ROCK2: variants seen among roughly 807,000 people sequenced by gnomAD.
ROCK2 encodes rho-associated protein kinase 2.
Under a neutral mutation model 195.1 loss-of-function variants are expected in ROCK2, and 61 were observed. That is an observed-to-expected ratio of 0.31 (90% CI 0.25 to 0.39). The LOEUF (loss-of-function observed/expected upper bound fraction) is 0.39. ROCK2 is among the 10% of genes least tolerant of loss of function. The pLI, the probability that ROCK2 is intolerant of heterozygous loss-of-function variation, is 1.00. For missense variants in ROCK2, 1,109 were observed against 1,637.4 expected, an observed-to-expected ratio of 0.68 and a Z score of 5.57; for synonymous variants, 504 against 545.5, an observed-to-expected ratio of 0.92 and a Z score of 1.06.
chr2:11,265,886 G>C (rs916123744), intron 3 of ROCK2, among the ~76,000 whole-genome samples: 1 of 151,486 alleles, frequency 6.6e-6, no homozygotes, highest in African/African-American at 2.4e-5. Flanking sequence ...CTTGAGGCCA[G>C]GAGTTAGAGA....
At chr2:11,255,143 G>T (rs1050421181) in intron 3 of ROCK2, among the ~76,000 whole-genome samples, 2 of 148,962 alleles carry the variant, frequency 1.3e-5, no homozygotes, top group Admixed American at 1.3e-4. Context: ...CATGAACCCA[G>T]GAGGCGGAGC....
intron 1 of ROCK2, among the ~76,000 whole-genome samples, chr2:11,315,212 C>G (rs1422798719): frequency 6.6e-6 from 1 of 151,932 alleles, no homozygotes; most frequent in Non-Finnish European, 1.5e-5. Flanking sequence ...AGAGATGTAC[C>G]CTTGTAATCT....
At chr2:11,212,023 T>C (rs4595944) in intron 17 of ROCK2, among the ~76,000 whole-genome samples, 183 bp from the exon 18 acceptor site, 68,407 of 151,522 alleles carry the variant, frequency 0.45, 17,028 homozygotes, top group Non-Finnish European at 0.55. Context: ...CCTCCCACCT[T>C]GGCCTCCAAA....
intron 3 of ROCK2, among the ~76,000 whole-genome samples, chr2:11,261,892 G>C (rs549097372): frequency 1.4e-4 from 22 of 152,190 alleles, no homozygotes; most frequent in Non-Finnish European, 2.8e-4. Context: ...ACTCCTAGCT[G>C]TTTATGAACT....
At chr2:11,196,431 C>G (rs565761525) in intron 27 of ROCK2, among the ~76,000 whole-genome samples, 1 of 152,290 alleles carries the variant, frequency 6.6e-6, no homozygotes, top group Admixed American at 6.5e-5. Flanking sequence ...AGCAGTGAAA[C>G]CATGCGCTCT....
intron 6 of ROCK2, among the ~76,000 whole-genome samples, chr2:11,226,783 G>A (rs1355648538): frequency 1.3e-5 from 2 of 151,600 alleles, no homozygotes; most frequent in Non-Finnish European, 2.9e-5. Context: ...TTAGTGGCAT[G>A]TGCCTGTAAT....
chr2:11,208,190 G>T, intron 19 of ROCK2, 97 bp downstream of exon 19: 1 of 801,814 alleles, frequency 1.2e-6, no homozygotes, highest in Non-Finnish European at 1.7e-6. Context: ...ACTATTATAA[G>T]AAAAACTTTA....
upstream of ROCK2, among the ~76,000 whole-genome samples, chr2:11,345,290 G>T (rs1669270479): frequency 6.6e-6 from 1 of 152,194 alleles, no homozygotes; most frequent in South Asian, 2.1e-4. Flanking sequence ...AAGAGAACGG[G>T]AGAGCACCGG....
At chr2:11,280,160 G>A (rs1666950146) in intron 3 of ROCK2, among the ~76,000 whole-genome samples, 2 of 151,816 alleles carry the variant, frequency 1.3e-5, no homozygotes, top group African/African-American at 4.8e-5. Flanking sequence ...AGAAACCAAG[G>A]AATAGAAAAC....
chr2:11,286,736 GT>G (rs2148193654), intron 2 of ROCK2, 97 bp from the exon 3 acceptor site: 1 of 730,482 alleles, frequency 1.4e-6, no homozygotes, highest in Non-Finnish European at 2.1e-6. Context: ...AGAAAAGACA[GT>G]TTTTAGCTAA....
At chr2:11,250,478 T>G (rs764872157) in intron 3 of ROCK2, among the ~76,000 whole-genome samples, 44 of 152,228 alleles carry the variant, frequency 2.9e-4, no homozygotes, top group Non-Finnish European at 5.7e-4. Context: ...CCAATAAATA[T>G]TTAATGAATG....
chr2:11,344,415 C>T lies in ROCK2; in HGVS notation c.-279G>A, dbSNP rs1257857805. 9.2e-7 allele frequency: 1 copy of T among 1,081,204 alleles called. No individual in the cohort carries two copies. Among genetic ancestry groups the T allele is most frequent in the Non-Finnish European group, 1.1e-6 (1 of 892,482 alleles). 67.0% of individuals were successfully genotyped at this position (1,081,204 alleles called of 1,614,324 possible). A position where few individuals can be genotyped will look rare whatever the true frequency, so the allele number is the denominator to read the frequency against. ...CAGTCAGATTCGCGCCGCCGGTCCG[C>T]TGGTCCTCAGCGAGTGCCCGCAGGA... On this transcript the variant is annotated 5_prime_UTR_variant, in exon 1 of 33. Coordinates refer to ENST00000315872, the MANE Select transcript of ROCK2 (RefSeq NM_004850.5). This position sits in a 1 kb window ranked among gnomAD's most constrained non-coding sequence, Gnocchi z 5.4.
chr2:11,265,453 GAA>G (rs936375524), intron 3 of ROCK2, among the ~76,000 whole-genome samples: 1 of 151,966 alleles, frequency 6.6e-6, no homozygotes, highest in African/African-American at 2.4e-5. Context: ...ACTCAATAGC[GAA>G]AAGTTTTAAA....
chr2:11,302,274 C>T (rs993257901), intron 1 of ROCK2, among the ~76,000 whole-genome samples: 1 of 151,990 alleles, frequency 6.6e-6, no homozygotes, highest in Non-Finnish European at 1.5e-5. Flanking sequence ...ACATTTCATG[C>T]TCTTCTTAAT....
At chr2:11,257,331 G>A (rs1666072083) in intron 3 of ROCK2, among the ~76,000 whole-genome samples, 1 of 151,432 alleles carries the variant, frequency 6.6e-6, no homozygotes, top group Non-Finnish European at 1.5e-5. Context: ...GGTGCTGGCA[G>A]CTGCAGTGGC....
At chr2:11,297,174 G>C (rs922953030) in intron 1 of ROCK2, among the ~76,000 whole-genome samples, 4 of 152,142 alleles carry the variant, frequency 2.6e-5, no homozygotes, top group African/African-American at 9.6e-5. Flanking sequence ...GTAGGAATTA[G>C]TATTTTTAAA....
chr2:11,199,783 T>A (rs1209407922), intron 23 of ROCK2, among the ~76,000 whole-genome samples: 1 of 152,240 alleles, frequency 6.6e-6, no homozygotes, highest in Non-Finnish European at 1.5e-5. Context: ...CATGGACATT[T>A]GAGTTTTTGC....
chr2:11,241,191 G>A (rs1361095185), intron 4 of ROCK2, among the ~76,000 whole-genome samples: 4 of 152,070 alleles, frequency 2.6e-5, no homozygotes, highest in African/African-American at 9.7e-5. Flanking sequence ...ACAATTTTGT[G>A]GAGTCAAATA....
intron 1 of ROCK2, among the ~76,000 whole-genome samples, chr2:11,301,714 G>A (rs1260650361): frequency 1.3e-5 from 2 of 149,290 alleles, no homozygotes; most frequent in Admixed American, 1.3e-4. Flanking sequence ...GGAGGTAGAG[G>A]TTGCAGTGGG....
Sources: allele counts gnomAD v4.1 joint callset (sites outside exome capture counted in the v4.1 genomes callset), GRCh38; gene constraint gnomAD v4.1.1; non-coding constraint Gnocchi (gnomAD v3.1); transcripts MANE v1.5; gene names NCBI Gene and HGNC (gene_info 2026-07-23, HGNC 2026-07-21).